The following SIK2 variants were observed in gnomAD, a reference collection of about 807,000 sequenced individuals.
SIK2 encodes the protein salt inducible kinase 2.
In SIK2, 29 loss-of-function variants were observed where a neutral mutation model predicts 103.2. The observed-to-expected ratio is 0.28, with a 90% CI of 0.21 to 0.38. The LOEUF (loss-of-function observed/expected upper bound fraction) is 0.38. Ranked by LOEUF, SIK2 falls within the 10% of genes least tolerant of loss-of-function variation. The pLI is 1.00. For synonymous variants in SIK2, 412 were observed against 446.1 expected, an observed-to-expected ratio of 0.92 and a Z score of 0.96; for missense variants, 879 against 1,171.0, an observed-to-expected ratio of 0.75 and a Z score of 3.64.
At chr11:111,632,807 G>T (rs1942056540) in intron 3 of SIK2, among the ~76,000 whole-genome samples, 1 of 152,066 alleles carries the variant, frequency 6.6e-6, no homozygotes, top group Non-Finnish European at 1.5e-5. Flanking sequence ...AATCTTGATG[G>T]ATATCATTAA....
chr11:111,626,259 C>T (rs1261751028), intron 3 of SIK2, among the ~76,000 whole-genome samples: 1 of 152,036 alleles, frequency 6.6e-6, no homozygotes, highest in Non-Finnish European at 1.5e-5. Flanking sequence ...ATAGTCTTCA[C>T]TAGTTTGGAA....
chr11:111,692,215 G>T (rs1942957448), intron 4 of SIK2, among the ~76,000 whole-genome samples: 1 of 151,732 alleles, frequency 6.6e-6, no homozygotes, highest in Non-Finnish European at 1.5e-5. Flanking sequence ...GCCAGGAATG[G>T]CAGCATGCGC....
At chr11:111,707,026 G>A (rs1031392874) in intron 8 of SIK2, among the ~76,000 whole-genome samples, 1 of 150,998 alleles carries the variant, frequency 6.6e-6, no homozygotes, top group Non-Finnish European at 1.5e-5. Context: ...TATAGTTCCA[G>A]ACACTTGAGT....
At chr11:111,613,365 C>T (rs1941755650) in intron 1 of SIK2, among the ~76,000 whole-genome samples, 1 of 152,000 alleles carries the variant, frequency 6.6e-6, no homozygotes, top group Non-Finnish European at 1.5e-5. Flanking sequence ...AAAGCTTTTT[C>T]CTGGGGGCAG....
intron 3 of SIK2, among the ~76,000 whole-genome samples, chr11:111,623,334 C>T (rs1218934419): frequency 6.6e-6 from 1 of 152,178 alleles, no homozygotes; most frequent in Admixed American, 6.5e-5. Flanking sequence ...TGATTTCCAG[C>T]ATCTCTGTCA....
intron 3 of SIK2, among the ~76,000 whole-genome samples, chr11:111,684,152 A>ATATACAATGCCTT (rs1374734363): frequency 3.9e-5 from 6 of 152,340 alleles, no homozygotes; most frequent in African/African-American, 1.4e-4. Flanking sequence ...TTAGATTCAG[A>ATATACAATGCCTT]TATACAATGC....
At chr11:111,651,511 A>G (rs548577186) in intron 3 of SIK2, among the ~76,000 whole-genome samples, 1 of 152,290 alleles carries the variant, frequency 6.6e-6, no homozygotes, top group African/African-American at 2.4e-5. Context: ...GCGGGGAACC[A>G]CACACCCTGG....
At chr11:111,638,399 A>G (rs940459450) in intron 3 of SIK2, among the ~76,000 whole-genome samples, 2 of 152,182 alleles carry the variant, frequency 1.3e-5, no homozygotes, top group Non-Finnish European at 2.9e-5. Context: ...TTTTTAAACC[A>G]TCTTCACCTG....
At chr11:111,670,320 G>A (rs1480724622) in intron 3 of SIK2, among the ~76,000 whole-genome samples, 1 of 152,206 alleles carries the variant, frequency 6.6e-6, no homozygotes, top group Non-Finnish European at 1.5e-5. Flanking sequence ...TACTGTGAAT[G>A]AAATATTTGT....
In SIK2 at chr11:111,726,888, G is replaced by A; in HGVS notation, c.*2759G>A. Reference sequence around the variant, plus strand: ...AGAGACTTTGGTGAGATGAACGTGAGGTAAAAATTTCGTTCGGCAAAAAGT... The same window carrying A: ...AGAGACTTTGGTGAGATGAACGTGAAGTAAAAATTTCGTTCGGCAAAAAGT... On this transcript the variant is annotated 3_prime_UTR_variant, in exon 15 of 15. Coordinates refer to ENST00000304987, the MANE Select transcript of SIK2 (RefSeq NM_015191.3). 2 of 1,357,170 alleles carry A rather than the reference G, an allele frequency of 1.5e-6. No homozygotes were observed. The highest frequency in any genetic ancestry group is 1.2e-5 in the South Asian group (1 of 82,020). 84.1% of individuals were successfully genotyped at this position (1,357,170 alleles called of 1,614,324 possible).
In SIK2 at chr11:111,602,606, G is replaced by T. The variant is rs1247701097; in HGVS notation, c.43G>T (p.Val15Phe). The T allele has an allele frequency of 2.0e-6, 3 of 1,534,946 alleles. No homozygotes were observed. Among genetic ancestry groups the T allele is most frequent in the Non-Finnish European group, 2.6e-6 (3 of 1,140,538 alleles). ...CCCGAGGCACTTGCAGCGCGGGCCG[G>T]TCCGGGTGGGGTTCTACGACATCGA... ...DGPRHLQRGPVRVGFYDIEGT... is the reference protein window; with the variant it reads ...DGPRHLQRGPFRVGFYDIEGT... Residue 15 changes from valine to phenylalanine, a missense_variant, in exon 1 of 15, where the codon GTC becomes TTC. By Grantham distance (50) the Val-to-Phe change is conservative (BLOSUM62 -1). Around this residue, in one of 7 missense-constraint regions of SIK2, gnomAD observed 47 missense variants for 43.9 expected, o/e 1.07. Transcript: ENST00000304987. The surrounding 1 kb of genome is among the most constrained non-coding windows in gnomAD (Gnocchi z 4.5).
At position 111,726,370 on chromosome 11, in the gene SIK2, G is replaced by A. The variant is rs1943966802; in HGVS notation, c.*2241G>A. On this transcript the variant is annotated 3_prime_UTR_variant, in exon 15 of 15. Coordinates refer to ENST00000304987, the MANE Select transcript of SIK2 (RefSeq NM_015191.3). ...GATGAGGGACTGCAGAGAGGCTACT[G>A]GAAGGTTAAGGACCCAGAGAGAAAT... 6.6e-6 allele frequency: 1 copy of A among 152,586 alleles called. No individual in the cohort carries two copies. The highest frequency in any genetic ancestry group is 1.5e-5 in the Non-Finnish European group (1 of 68,356). 9.5% of individuals were successfully genotyped at this position (152,586 alleles called of 1,614,324 possible). A position where few individuals can be genotyped will look rare whatever the true frequency, so the allele number is the denominator to read the frequency against.
chr11:111,668,719 C>T (rs1401801405), intron 3 of SIK2, among the ~76,000 whole-genome samples: 4 of 152,326 alleles, frequency 2.6e-5, no homozygotes, highest in African/African-American at 9.6e-5. Context: ...AAAGATTGCT[C>T]TGGCTACTCT....
At chr11:111,717,053 G>T (rs904981599) in intron 9 of SIK2, among the ~76,000 whole-genome samples, 1 of 152,140 alleles carries the variant, frequency 6.6e-6, no homozygotes, top group South Asian at 2.1e-4. Flanking sequence ...GGTGGCTCAC[G>T]CCCGTAATCC....
At chr11:111,636,507 G>A (rs1464952431) in intron 3 of SIK2, among the ~76,000 whole-genome samples, 1 of 152,206 alleles carries the variant, frequency 6.6e-6, no homozygotes, top group Non-Finnish European at 1.5e-5. Flanking sequence ...ATACTTTAGT[G>A]AGAGTGTTTT....
At chr11:111,659,669 T>TC in intron 3 of SIK2, among the ~76,000 whole-genome samples, 1 of 151,862 alleles carries the variant, frequency 6.6e-6, no homozygotes, top group Admixed American at 6.5e-5. Flanking sequence ...ACTGGCAGCT[T>TC]CCGTCTTTGT....
In SIK2 at chr11:111,602,847, C is replaced by T; in HGVS notation, c.135+149C>T. The T allele has an allele frequency of 8.6e-7, 1 of 1,168,226 alleles. No individual in the cohort carries two copies. The highest frequency in any genetic ancestry group is 1.9e-5 in the South Asian group (1 of 51,320). 72.4% of individuals were successfully genotyped at this position (1,168,226 alleles called of 1,614,324 possible). A position where few individuals can be genotyped will look rare whatever the true frequency, so the allele number is the denominator to read the frequency against. On this transcript the variant is annotated intron_variant, in intron 1 of 14. Coordinates refer to ENST00000304987, the MANE Select transcript of SIK2 (RefSeq NM_015191.3). The surrounding 1 kb of genome is among the most constrained non-coding windows in gnomAD (Gnocchi z 4.5). ...GAGCGGGCCTGGGACTGTGAGGACC[C>T]AGGAGGTGCAGGGGGTCGGTGAGCA...
intron 3 of SIK2, 104 bp downstream of exon 3, chr11:111,620,506 TA>T: frequency 2.9e-6 from 2 of 698,982 alleles, no homozygotes; most frequent in Non-Finnish European, 4.8e-6. Flanking sequence ...GTTGGTAATA[TA>T]AGTGAAAAAA....
chr11:111,671,132 A>G, intron 3 of SIK2: 1 of 192,104 alleles, frequency 5.2e-6, no homozygotes, highest in Non-Finnish European at 1.1e-5. Context: ...CTATAGGCCC[A>G]GCTCAGCCCA....
Sources: gnomAD v4.1 joint callset for allele counts (sites outside exome capture counted in the v4.1 genomes callset) on GRCh38, gnomAD v4.1.1 for gene constraint, gnomAD v4.1.1 regional missense constraint, Gnocchi (gnomAD v3.1) non-coding constraint, MANE v1.5 for transcripts, NCBI Gene and HGNC (gene_info 2026-07-23, HGNC 2026-07-21) for gene names.